Variants in MBD2 observed in about 807,000 individuals in gnomAD.
MBD2 encodes methyl-CpG-binding domain protein 2.
MBD2 carries 9 observed loss-of-function variants against 39.3 expected under a neutral mutation model. The ratio of observed to expected loss-of-function variants is 0.23; its 90% CI spans 0.14 to 0.40. The LOEUF is 0.40. Among genes scored for constraint, MBD2 ranks in the 10% least tolerant of loss-of-function variants. The probability of loss-of-function intolerance (pLI) is 1.00; values close to 1 mark genes in which losing one functional copy is unlikely to be tolerated. For synonymous variants in MBD2, 233 were observed against 211.1 expected (o/e 1.10, Z -0.90); for missense variants, 458 against 532.6 (o/e 0.86, Z 1.38).
At chr18:54,204,894 G>C (rs1163417567) in intron 2 of MBD2, 104 bp downstream of exon 2, 2 of 1,092,108 alleles carry the variant, frequency 1.8e-6, no homozygotes, top group African/African-American at 3.1e-5. Context: ...GGACATGCAC[G>C]GGACATTTGG....
chr18:54,194,862 A>G (rs1164744389), intron 2 of MBD2, among the ~76,000 whole-genome samples: 1 of 152,100 alleles, frequency 6.6e-6, no homozygotes, highest in Non-Finnish European at 1.5e-5. Flanking sequence ...ATTTTGTTGA[A>G]AGCAAGTAAT....
At chr18:54,190,557 T>C (rs927464286) in intron 2 of MBD2, among the ~76,000 whole-genome samples, 2 of 152,354 alleles carry the variant, frequency 1.3e-5, no homozygotes, top group South Asian at 4.1e-4. Context: ...TATATTAATC[T>C]TTCTTAAATG....
intron 1 of MBD2, 108 bp downstream of exon 1, chr18:54,223,910 C>T: frequency 1.1e-6 from 1 of 938,846 alleles, no homozygotes; most frequent in Middle Eastern, 3.4e-4. Context: ...CCAGCCTGTC[C>T]CTGCCACATG....
At chr18:54,183,921 G>C (rs958971688) in intron 3 of MBD2, among the ~76,000 whole-genome samples, 1 of 152,046 alleles carries the variant, frequency 6.6e-6, no homozygotes. Context: ...CAGAGTACAG[G>C]TGTTGGAATT....
chr18:54,177,544 G>A (rs1324845046), intron 3 of MBD2, among the ~76,000 whole-genome samples: 2 of 151,778 alleles, frequency 1.3e-5, no homozygotes, highest in African/African-American at 4.8e-5. Context: ...GCAGTGGCGC[G>A]ATCTCGGCTC....
At chr18:54,182,789 AG>A (rs1182464764) in intron 3 of MBD2, among the ~76,000 whole-genome samples, 1 of 152,088 alleles carries the variant, frequency 6.6e-6, no homozygotes, top group Non-Finnish European at 1.5e-5. Flanking sequence ...AAAATTAGCC[AG>A]GCATGGTGGT....
At chr18:54,173,640 C>A (rs1413590071) in intron 3 of MBD2, among the ~76,000 whole-genome samples, 1 of 152,180 alleles carries the variant, frequency 6.6e-6, no homozygotes, top group Non-Finnish European at 1.5e-5. Flanking sequence ...GGAAGGGAAC[C>A]TTTCCTTAAC....
intron 3 of MBD2, among the ~76,000 whole-genome samples, chr18:54,184,373 C>A (rs1437150594): frequency 6.6e-6 from 1 of 152,100 alleles, no homozygotes; most frequent in Non-Finnish European, 1.5e-5. Context: ...TTATAAAAAT[C>A]TAATGCCTAA....
At chr18:54,167,120 T>C (rs1294515978) in intron 3 of MBD2, among the ~76,000 whole-genome samples, 3 of 152,144 alleles carry the variant, frequency 2.0e-5, no homozygotes, top group Non-Finnish European at 2.9e-5. Context: ...AGGAATTCTA[T>C]AGGACTCTGT....
At chr18:54,182,738 C>A (rs1187485595) in intron 3 of MBD2, among the ~76,000 whole-genome samples, 1 of 152,020 alleles carries the variant, frequency 6.6e-6, no homozygotes, top group East Asian at 1.9e-4. Context: ...TTCAAGACCA[C>A]CCTGGGCAAC....
intron 2 of MBD2, among the ~76,000 whole-genome samples, chr18:54,189,612 T>C (rs2086306841): frequency 6.6e-6 from 1 of 152,090 alleles, no homozygotes; most frequent in Non-Finnish European, 1.5e-5. Flanking sequence ...AATGAACAAA[T>C]ATGTTTAAGA....
chr18:54,197,304 A>T (rs546265730), intron 2 of MBD2, among the ~76,000 whole-genome samples: 3 of 152,182 alleles, frequency 2.0e-5, no homozygotes, highest in African/African-American at 7.2e-5. Flanking sequence ...ACAGCATTCT[A>T]TACTATTCCT....
At chr18:54,190,279 GC>G (rs2086311854) in intron 2 of MBD2, among the ~76,000 whole-genome samples, 1 of 152,108 alleles carries the variant, frequency 6.6e-6, no homozygotes, top group Non-Finnish European at 1.5e-5. Flanking sequence ...CCCAGCCTAA[GC>G]CCATCTGTGT....
intron 1 of MBD2, among the ~76,000 whole-genome samples, chr18:54,207,136 T>C (rs1280853380): frequency 1.3e-5 from 2 of 152,262 alleles, no homozygotes; most frequent in Admixed American, 6.5e-5. Context: ...CATCGAAAGC[T>C]TTATATCTGT....
intron 1 of MBD2, among the ~76,000 whole-genome samples, chr18:54,219,960 C>G (rs2086596403): frequency 6.6e-6 from 1 of 152,196 alleles, no homozygotes; most frequent in Non-Finnish European, 1.5e-5. Flanking sequence ...GCCACCATGC[C>G]TGGCTAATTT....
intron 1 of MBD2, chr18:54,222,283 A>G (rs1300811037): frequency 2.1e-6 from 1 of 473,596 alleles, no homozygotes; most frequent in South Asian, 1.5e-5. Context: ...TAATCAGAAG[A>G]AATTGTCCCA....
rs368781771 is a variant in MBD2, at chr18:54,216,051, C to T, written c.542+7967G>A. Among the ~76,000 whole-genome samples the T allele has an allele frequency of 5.3e-4, 80 of 152,258 alleles. 1 individual carries two copies. In the South Asian group the frequency reaches 0.013, roughly 26 times the overall value. The stretch of plus-strand genomic sequence containing the variant: ...TGAACTCCTGACCTCAGGTGATCCA[C>T]CCACCTCGGCCTCCCAAAGTGCTGG... On this transcript the variant is annotated intron_variant, in intron 1 of 6. Coordinates refer to ENST00000256429, the MANE Select transcript of MBD2 (RefSeq NM_003927.5).
chr18:54,224,229 A>AGCC lies in MBD2; in HGVS notation c.328_330dup (p.Gly110dup). On this transcript the variant is annotated inframe_insertion, in exon 1 of 7. Transcript: ENST00000256429. Reference sequence around the variant, plus strand: ...CCGCCACCGCTGCCGCCGCCGCCGCAGCCGCCGCCGTCGCCGCCAAGGCCG... The same window carrying AGCC: ...CCGCCACCGCTGCCGCCGCCGCCGCAGCCGCCGCCGCCGTCGCCGCCAAGGCCG... The AGCC allele has an allele frequency of 2.4e-6, 2 of 829,028 alleles. No individual in the cohort carries two copies. Among genetic ancestry groups the AGCC allele is most frequent in the Non-Finnish European group, 3.0e-6 (2 of 675,268 alleles). The allele number at this position is 829,028 out of a possible 1,614,324, so 51.4% of individuals were successfully genotyped here. A position where few individuals can be genotyped will look rare whatever the true frequency, so the allele number is the denominator to read the frequency against.
chr18:54,181,522 C>T (rs750356489), intron 3 of MBD2, among the ~76,000 whole-genome samples: 53 of 151,938 alleles, frequency 3.5e-4, no homozygotes, highest in Middle Eastern at 3.4e-3. Flanking sequence ...TTTTTTAAGA[C>T]GGATTCTTGC....
Sources: allele counts gnomAD v4.1 joint callset (sites outside exome capture counted in the v4.1 genomes callset), GRCh38; gene constraint gnomAD v4.1.1; transcripts MANE v1.5; gene names NCBI Gene and HGNC (gene_info 2026-07-23, HGNC 2026-07-21).